CEACAM5: variants seen among roughly 807,000 people sequenced by gnomAD.
CEACAM5 encodes cell adhesion molecule CEACAM5.
A neutral mutation model predicts 63.0 loss-of-function variants in CEACAM5; 52 were observed. The observed-to-expected ratio is 0.83, with a 90% CI of 0.66 to 1.04. The LOEUF is 1.04. Among genes scored for constraint, CEACAM5 ranks in the 50% least tolerant of loss-of-function variants. CEACAM5 has a pLI of 0.00. For synonymous variants in CEACAM5, 357 were observed against 351.3 expected, an observed-to-expected ratio of 1.02 and a Z score of -0.18; for missense variants, 790 against 864.8, an observed-to-expected ratio of 0.91 and a Z score of 1.08.
chr19:41,710,323 G>A (rs536612727), intron 2 of CEACAM5, among the ~76,000 whole-genome samples: 9 of 152,208 alleles, frequency 5.9e-5, no homozygotes, highest in East Asian at 1.9e-4. Context: ...TGCCCTCCCC[G>A]TAAACCTGAC....
intron 1 of CEACAM5, 81 bp from the exon 2 acceptor site, chr19:41,709,599 C>A (rs952050428): frequency 1.9e-5 from 30 of 1,540,580 alleles, no homozygotes; most frequent in Non-Finnish European, 2.6e-5. Context: ...GATGAAGAGA[C>A]CTGCTCAGGA....
chr19:41,710,156 T>C (rs1249931751), intron 2 of CEACAM5, 117 bp downstream of exon 2: 15 of 1,440,318 alleles, frequency 1.0e-5, no homozygotes, highest in Non-Finnish European at 1.4e-5. Flanking sequence ...CATGTTAGGG[T>C]TTGGGCATTT....
In CEACAM5 at chr19:41,720,976, C is replaced by T. The variant is rs200399646; in HGVS notation, c.1826C>T (p.Ala609Val). ...SPPDSSYLSGANLNLSCHSAS... is the reference protein window; with the variant it reads ...SPPDSSYLSGVNLNLSCHSAS... ...CCAGACTCGTCTTACCTTTCGGGAG[C>T]GAACCTCAACCTCTCCTGCCACTCG... is the stretch of plus-strand genomic sequence containing the variant. Residue 609 changes from alanine (A) to valine (V), a missense_variant, in exon 8 of 10, where the codon GCG (alanine) becomes GTG (valine). Physicochemically the swap from Ala to Val is moderately conservative, Grantham distance 64. Coordinates refer to ENST00000221992, the MANE Select transcript of CEACAM5 (RefSeq NM_004363.6). 101 of 1,614,010 alleles carry T rather than the reference C, an allele frequency of 6.3e-5. No homozygotes were observed. Among genetic ancestry groups the T allele is most frequent in the Middle Eastern group, 3.3e-4 (2 of 6,062 alleles).
In CEACAM5 at chr19:41,715,661, G is replaced by A. The variant is rs199857011; in HGVS notation, c.715G>A (p.Ala239Thr). ...VILNVLYGPD[A>T]PTISPLNTSY... ...TTTGTTTGCTCCAGATGGCCCGGATGCCCCCACCATTTCCCCTCTAAACAC... is the reference window on the plus strand; with the variant it reads ...TTTGTTTGCTCCAGATGGCCCGGATACCCCCACCATTTCCCCTCTAAACAC... Residue 239 changes from alanine to threonine, a missense_variant, in exon 4 of 10, where the codon GCC (alanine) becomes ACC (threonine). By Grantham distance (58) the Ala-to-Thr change is moderately conservative (BLOSUM62 0). Transcript: ENST00000221992. The A allele has an allele frequency of 1.2e-6, 2 of 1,614,126 alleles. No individual in the cohort carries two copies. Among genetic ancestry groups the A allele is most frequent in the African/African-American group, 2.7e-5 (2 of 75,026 alleles).
intron 8 of CEACAM5, among the ~76,000 whole-genome samples, chr19:41,726,395 A>C (rs2072699871): frequency 6.6e-6 from 1 of 152,226 alleles, no homozygotes; most frequent in Non-Finnish European, 1.5e-5. Flanking sequence ...CATCAGCCTG[A>C]GTTGACTAGT....
chr19:41,717,506 A>T lies in CEACAM5; in HGVS notation c.1010A>T (p.Asp337Val), dbSNP rs782448402. The T allele has an allele frequency of 6.2e-7, 1 of 1,614,200 alleles. No individual in the cohort carries two copies. The highest frequency in any genetic ancestry group is 1.1e-5 in the South Asian group (1 of 91,086). Reference sequence around the variant, plus strand: ...AGCAACAACTCCAACCCCGTGGAGGATGAGGATGCTGTAGCCTTAACCTGT... The same window carrying T: ...AGCAACAACTCCAACCCCGTGGAGGTTGAGGATGCTGTAGCCTTAACCTGT... ...ITSNNSNPVE[D>V]EDAVALTCEP... is the part of the protein sequence containing the mutation. Residue 337 changes from aspartate (D) to valine (V), a missense_variant, in exon 5 of 10, where the codon GAT (aspartate) becomes GTT (valine). By Grantham distance (152) the Asp-to-Val change is radical. Coordinates refer to ENST00000221992, the MANE Select transcript of CEACAM5 (RefSeq NM_004363.6).
At chr19:41,721,378 G>C (rs572367774) in intron 8 of CEACAM5, among the ~76,000 whole-genome samples, 2 of 152,328 alleles carry the variant, frequency 1.3e-5, no homozygotes, top group African/African-American at 4.8e-5. Flanking sequence ...GCTGACCTCG[G>C]GTCCAGCCTG....
intron 8 of CEACAM5, 130 bp from the exon 9 acceptor site, chr19:41,727,104 C>A: frequency 1.3e-6 from 1 of 783,040 alleles, no homozygotes; most frequent in Non-Finnish European, 2.3e-6. Flanking sequence ...AACTTTCCCA[C>A]AAAACTAATG....
Position 41,715,022 on chromosome 19 carries a change from A to G in CEACAM5, c.476A>G (p.Asp159Gly), listed in dbSNP as rs1373488448. Residue 159 changes from aspartate to glycine, a missense_variant, in exon 3 of 10, where the codon GAC (aspartate) becomes GGC (glycine). Asp to Gly is a moderately conservative substitution (Grantham distance 94, BLOSUM62 -1). Transcript: ENST00000221992. Reference sequence around the variant, plus strand: ...AGCAACAACTCCAAACCCGTGGAGGACAAGGATGCTGTGGCCTTCACCTGT... The same window carrying G: ...AGCAACAACTCCAAACCCGTGGAGGGCAAGGATGCTGTGGCCTTCACCTGT... ...ISSNNSKPVEDKDAVAFTCEP... is the reference protein window; with the variant it reads ...ISSNNSKPVEGKDAVAFTCEP... The G allele has an allele frequency of 1.2e-6, 2 of 1,614,076 alleles. No homozygotes were observed. The highest frequency in any genetic ancestry group is 1.3e-5 in the African/African-American group (1 of 74,912).
At chr19:41,721,963 C>T (rs1555816307) in intron 8 of CEACAM5, among the ~76,000 whole-genome samples, 1 of 152,160 alleles carries the variant, frequency 6.6e-6, no homozygotes, top group Non-Finnish European at 1.5e-5. Flanking sequence ...GCCATAGGGG[C>T]TCTGCATGGG....
chr19:41,727,947 C>T (rs538266015), intron 9 of CEACAM5, among the ~76,000 whole-genome samples: 33 of 152,278 alleles, frequency 2.2e-4, no homozygotes, highest in African/African-American at 6.5e-4. Flanking sequence ...TTCTTAGTTC[C>T]GGTGTTACAC....
rs781950072 is a variant in CEACAM5, at chr19:41,709,904, G to T, written c.289G>T (p.Gly97Cys). 6.2e-7 allele frequency: 1 copy of T among 1,614,112 alleles called. No homozygotes were observed. The highest frequency in any genetic ancestry group is 1.7e-5 in the Admixed American group (1 of 60,020). Reference protein sequence around the residue: ...QQATPGPAYSGREIIYPNASL... With the variant: ...QQATPGPAYSCREIIYPNASL... Reference sequence around the variant, plus strand: ...AGCTACCCCAGGGCCCGCATACAGTGGTCGAGAGATAATATACCCCAATGC... The same window carrying T: ...AGCTACCCCAGGGCCCGCATACAGTTGTCGAGAGATAATATACCCCAATGC... Residue 97 changes from glycine to cysteine, a missense_variant, in exon 2 of 10, where the codon GGT becomes TGT. Gly to Cys is a radical substitution (Grantham distance 159). Coordinates refer to ENST00000221992, the MANE Select transcript of CEACAM5 (RefSeq NM_004363.6).
intron 2 of CEACAM5, among the ~76,000 whole-genome samples, chr19:41,713,477 A>G (rs1236997595): frequency 1.1e-4 from 16 of 152,202 alleles, no homozygotes; most frequent in African/African-American, 3.9e-4. Context: ...CACATAAGAC[A>G]TACTCAATCT....
At chr19:41,723,723 A>G (rs2113134) in intron 8 of CEACAM5, among the ~76,000 whole-genome samples, 51,220 of 151,748 alleles carry the variant, frequency 0.34, 8,721 homozygotes, top group Middle Eastern at 0.4. Flanking sequence ...CGAGGCAGGT[A>G]GATTACAAGG....
At chr19:41,726,599 T>C (rs782044451) in intron 8 of CEACAM5, among the ~76,000 whole-genome samples, 7 of 152,244 alleles carry the variant, frequency 4.6e-5, no homozygotes, top group Middle Eastern at 3.4e-3. Context: ...GGAGTAGAAG[T>C]GGGAGGAGCC....
intron 2 of CEACAM5, among the ~76,000 whole-genome samples, chr19:41,713,092 G>A (rs2072462471): frequency 6.6e-6 from 1 of 152,118 alleles, no homozygotes; most frequent in Non-Finnish European, 1.5e-5. Context: ...AGATCACAAA[G>A]TCAAGAGATC....
In CEACAM5 at chr19:41,729,922, C is replaced by T. The variant is rs1308817921; in HGVS notation, c.*775C>T. 6.6e-6 allele frequency: 1 copy of T among 152,090 alleles called. No homozygotes were observed. Among genetic ancestry groups the T allele is most frequent in the Non-Finnish European group, 1.5e-5 (1 of 68,026 alleles). 9.4% of individuals were successfully genotyped at this position (152,090 alleles called of 1,614,324 possible). On this transcript the variant is annotated 3_prime_UTR_variant, in exon 10 of 10. Coordinates refer to ENST00000221992, the MANE Select transcript of CEACAM5 (RefSeq NM_004363.6). ...CAATAAAAATCTGCTCTTTGTATGA[C>T]AGAATACATTTGAAAACATTGGTTA...
In CEACAM5 at chr19:41,727,291, T is replaced by C. The variant is rs2072713645; in HGVS notation, c.2084T>C (p.Val695Ala). The C allele has an allele frequency of 1.9e-6, 3 of 1,613,764 alleles. No individual in the cohort carries two copies. The East Asian group carries it at 6.7e-5, about 36-fold the overall frequency. ...GCCACTGTCGGCATCATGATTGGAG[T>C]GCTGGTTGGGGTTGCTCTGATATAG... Reference protein sequence around the residue: ...AGATVGIMIGVLVGVALI With the variant: ...AGATVGIMIGALVGVALI The change falls in exon 9 of 10, where the codon GTG becomes GCG. Residue 695 changes from valine (V) to alanine (A), a missense_variant. By Grantham distance (64) the Val-to-Ala change is moderately conservative. Coordinates refer to ENST00000221992, the MANE Select transcript of CEACAM5 (RefSeq NM_004363.6).
intron 2 of CEACAM5, among the ~76,000 whole-genome samples, chr19:41,713,182 A>G (rs2072464223): frequency 6.6e-6 from 1 of 152,120 alleles, no homozygotes; most frequent in Non-Finnish European, 1.5e-5. Context: ...GCATGCACCT[A>G]CAGTCTCAGC....
Sources: allele counts gnomAD v4.1 joint callset (sites outside exome capture counted in the v4.1 genomes callset), GRCh38; gene constraint gnomAD v4.1.1; transcripts MANE v1.5; gene names NCBI Gene and HGNC (gene_info 2026-07-23, HGNC 2026-07-21).